The following KRT222 variants were observed in gnomAD, a reference collection of about 807,000 sequenced individuals.
The protein encoded by KRT222 is keratin 222.
A neutral mutation model predicts 35.0 loss-of-function variants in KRT222; 23 were observed. That is an observed-to-expected ratio of 0.66 (90% CI 0.47 to 0.93). The LOEUF is 0.93. Among genes scored for constraint, KRT222 ranks in the 40% least tolerant of loss-of-function variants. The probability of loss-of-function intolerance (pLI) is 0.00; values close to 1 mark genes in which losing one functional copy is unlikely to be tolerated. For synonymous variants in KRT222, 108 were observed against 118.8 expected, an observed-to-expected ratio of 0.91 and a Z score of 0.59; for missense variants, 339 against 346.3, an observed-to-expected ratio of 0.98 and a Z score of 0.17.
chr17:40,663,536 A>G (rs2037399939), intron 1 of KRT222, among the ~76,000 whole-genome samples: 1 of 152,244 alleles, frequency 6.6e-6, no homozygotes, highest in Admixed American at 6.5e-5. Context: ...CCTTTCGGCA[A>G]TGCCCTGCCA....
rs2037336591 is a variant in KRT222, at chr17:40,655,204, G to C, written c.*1198C>G. On this transcript the variant is annotated 3_prime_UTR_variant, in exon 6 of 6. Transcript: ENST00000394052. ...CTTTAGCTGGGAAAAAGTATGGTGAGTTGTACTCAGCTACTTTTTCTGCTT... is the reference window on the plus strand; with the variant it reads ...CTTTAGCTGGGAAAAAGTATGGTGACTTGTACTCAGCTACTTTTTCTGCTT... 1.3e-5 allele frequency: 2 copies of C among 151,370 alleles called. No homozygotes were observed. The highest frequency in any genetic ancestry group is 3.0e-5 in the Non-Finnish European group (2 of 67,782). 9.4% of individuals were successfully genotyped at this position (151,370 alleles called of 1,614,324 possible).
At position 40,665,154 on chromosome 17, in the gene KRT222, T is replaced by C; in HGVS notation, c.-55A>G. The stretch of plus-strand genomic sequence containing the variant: ...GAACCTTATCGATAGGATGAGTCGC[T>C]GCGGCAGTCTGCTCGGTCTGCGCGG... On this transcript the variant is annotated 5_prime_UTR_variant, in exon 1 of 6. Coordinates refer to ENST00000394052, the MANE Select transcript of KRT222 (RefSeq NM_152349.3). The C allele has an allele frequency of 6.6e-7, 1 of 1,523,324 alleles. No individual in the cohort carries two copies. Among genetic ancestry groups the C allele is most frequent in the Non-Finnish European group, 9.1e-7 (1 of 1,100,572 alleles). 94.4% of individuals were successfully genotyped at this position (1,523,324 alleles called of 1,614,324 possible).
chr17:40,660,275 T>C, intron 2 of KRT222, 68 bp from the exon 3 acceptor site: 1 of 1,236,524 alleles, frequency 8.1e-7, no homozygotes. Flanking sequence ...TGATTTGCAA[T>C]ATCTTCATCT....
At position 40,655,040 on chromosome 17, in the gene KRT222, T is replaced by TATAC. The variant is rs1555607301; in HGVS notation, c.*1361_*1362insGTAT. On this transcript the variant is annotated 3_prime_UTR_variant, in exon 6 of 6. Transcript: ENST00000394052. ...TTTCTGGTTGAAATATATATATACA[T>TATAC]ATATATAAATTATATATATGTATAT... 4 of 146,752 alleles carry TATAC rather than the reference T, an allele frequency of 2.7e-5. No individual in the cohort carries two copies. Among genetic ancestry groups the TATAC allele is most frequent in the African/African-American group, 9.9e-5 (4 of 40,388 alleles). 9.1% of individuals were successfully genotyped at this position (146,752 alleles called of 1,614,324 possible). A position where few individuals can be genotyped will look rare whatever the true frequency, so the allele number is the denominator to read the frequency against.
At chr17:40,657,523 G>A (rs1299622931) in intron 4 of KRT222, 36 bp from the exon 5 acceptor site, 1 of 1,527,530 alleles carries the variant, frequency 6.5e-7, no homozygotes, top group South Asian at 1.2e-5. Context: ...TTAAATTACA[G>A]TATTGAATTA....
At chr17:40,662,165 A>T in intron 1 of KRT222, 121 bp from the exon 2 acceptor site, 1 of 1,255,806 alleles carries the variant, frequency 8.0e-7, no homozygotes, top group Non-Finnish European at 1.1e-6. Context: ...TCCTTAACTC[A>T]TTAGATTATA....
chr17:40,660,305 G>A, intron 2 of KRT222, 98 bp from the exon 3 acceptor site: 1 of 958,508 alleles, frequency 1.0e-6, no homozygotes, highest in South Asian at 1.6e-5. Context: ...TTTTGAGATG[G>A]AGTCTCACCC....
At position 40,660,225 on chromosome 17, in the gene KRT222, T is replaced by G; in HGVS notation, c.226-18A>C. 6.3e-7 allele frequency: 1 copy of G among 1,592,616 alleles called. No homozygotes were observed. The highest frequency in any genetic ancestry group is 8.6e-7 in the Non-Finnish European group (1 of 1,164,116). ...CCCCTTTCCTGTTTTATATAGATTT[T>G]CATCAGTGAATCAGTAACACAGAAT... On this transcript the variant is annotated intron_variant, in intron 2 of 5. Coordinates refer to ENST00000394052, the MANE Select transcript of KRT222 (RefSeq NM_152349.3).
intron 3 of KRT222, among the ~76,000 whole-genome samples, chr17:40,659,595 A>T (rs982715921): frequency 1.3e-5 from 2 of 151,900 alleles, no homozygotes; most frequent in African/African-American, 4.8e-5. Context: ...AGCGAATTTT[A>T]AAATTTTTTG....
intron 2 of KRT222, 31 bp from the exon 3 acceptor site, chr17:40,660,238 A>G: frequency 6.4e-7 from 1 of 1,553,616 alleles, no homozygotes; most frequent in Non-Finnish European, 8.8e-7. Context: ...TCAGTGAATC[A>G]GTAACACAGA....
At chr17:40,657,584 TC>T (rs2037354169) in intron 4 of KRT222, 89 bp downstream of exon 4, 3 of 1,500,950 alleles carry the variant, frequency 2.0e-6, no homozygotes, top group Non-Finnish European at 9.1e-7. Flanking sequence ...TTGTTTTTTT[TC>T]GACTTTAAAG....
chr17:40,664,856 G>A (rs576820273), intron 1 of KRT222, 148 bp downstream of exon 1: 24 of 1,349,198 alleles, frequency 1.8e-5, no homozygotes, highest in Middle Eastern at 2.5e-4. Context: ...TGTAGTCCCA[G>A]TCACACTGCA....
Position 40,657,695 on chromosome 17 carries a change from C to A in KRT222, c.502G>T (p.Val168Phe). 1.2e-6 allele frequency: 2 copies of A among 1,612,678 alleles called. No homozygotes were observed. Among genetic ancestry groups the A allele is most frequent in the Non-Finnish European group, 1.7e-6 (2 of 1,179,256 alleles). Residue 168 changes from valine (V) to phenylalanine (F), a missense_variant, in exon 4 of 6, where the codon GTT (valine) becomes TTT (phenylalanine). Transcript: ENST00000394052. ...KKDKKPTTSR[V>F]GFVLPSAIIN... ...TCACCTGATGGTAAAACAAAACCAA[C>A]TCTACTTGTGGTAGGCTTTTTGTCT...
intron 1 of KRT222, 121 bp from the exon 2 acceptor site, chr17:40,662,165 A>G (rs893650652): frequency 8.0e-7 from 1 of 1,255,686 alleles, no homozygotes; most frequent in African/African-American, 1.5e-5. Context: ...TCCTTAACTC[A>G]TTAGATTATA....
At position 40,660,181 on chromosome 17, in the gene KRT222, A is replaced by C. The variant is rs1382563830; in HGVS notation, c.252T>G (p.His84Gln). ...GCATCTGGTAATGCTGCTCGCTGGCATGTAGGGAGTTTTCAAGGCCCCTTT... is the reference window on the plus strand; with the variant it reads ...GCATCTGGTAATGCTGCTCGCTGGCCTGTAGGGAGTTTTCAAGGCCCCTTT... ...AVERGLENSL[H>Q]ASEQHYQMQL... is the part of the protein sequence containing the mutation. Residue 84 changes from histidine (H) to glutamine (Q), a missense_variant, in exon 3 of 6, where the codon CAT (histidine) becomes CAG (glutamine). By Grantham distance (24) the His-to-Gln change is conservative. Transcript: ENST00000394052. The C allele has an allele frequency of 3.7e-6, 6 of 1,613,846 alleles. No individual in the cohort carries two copies. The highest frequency in any genetic ancestry group is 1.1e-5 in the South Asian group (1 of 91,058).
intron 1 of KRT222, among the ~76,000 whole-genome samples, chr17:40,663,246 G>C (rs917595): frequency 0.71 from 107,681 of 152,088 alleles, 38,511 homozygotes; most frequent in African/African-American, 0.81. Context: ...CCCTAAAGAA[G>C]TCTATCTCCC....
chr17:40,657,054 A>G (rs1597756302), intron 5 of KRT222, among the ~76,000 whole-genome samples: 1 of 152,122 alleles, frequency 6.6e-6, no homozygotes, highest in East Asian at 1.9e-4. Flanking sequence ...TAAAAATACA[A>G]AGAAAAACCC....
Position 40,656,660 on chromosome 17 carries a change from TGAA to T in KRT222, c.660-33_660-31del, listed in dbSNP as rs770404044. On this transcript the variant is annotated intron_variant, in intron 5 of 5. Coordinates refer to ENST00000394052, the MANE Select transcript of KRT222 (RefSeq NM_152349.3). ...AATGATAAAATAAACCTTTTAATAA[TGAA>T]GAAGTATGGGTCTATTAAAAATATG... 5.8e-6 allele frequency: 7 copies of T among 1,216,316 alleles called. No individual in the cohort carries two copies. The Admixed American group carries it at 1.2e-4, about 21-fold the overall frequency. The allele number at this position is 1,216,316 out of a possible 1,614,324, so 75.3% of individuals were successfully genotyped here. A position where few individuals can be genotyped will look rare whatever the true frequency, so the allele number is the denominator to read the frequency against.
At chr17:40,662,415 C>T (rs1003681384) in intron 1 of KRT222, among the ~76,000 whole-genome samples, 5 of 152,128 alleles carry the variant, frequency 3.3e-5, no homozygotes, top group Non-Finnish European at 4.4e-5. Flanking sequence ...TTAGCTATTT[C>T]CCCCCACATT....
Sources: allele counts gnomAD v4.1 joint callset (sites outside exome capture counted in the v4.1 genomes callset), GRCh38; gene constraint gnomAD v4.1.1; transcripts MANE v1.5; gene names NCBI Gene and HGNC (gene_info 2026-07-23, HGNC 2026-07-21).